The following ZNF341 variants were observed in gnomAD, a reference collection of about 807,000 sequenced individuals.
ZNF341 encodes the protein zinc finger protein 341.
ZNF341 carries 52 observed loss-of-function variants against 87.7 expected under a neutral mutation model. The observed-to-expected ratio is 0.59, with a 90% confidence interval of 0.47 to 0.75. The LOEUF (loss-of-function observed/expected upper bound fraction) is 0.75, where lower values mean the gene tolerates loss of function less well. Ranked by LOEUF, ZNF341 falls within the 30% of genes least tolerant of loss-of-function variation. The pLI is 0.00. For missense variants in ZNF341, 977 were observed against 1,145.9 expected (o/e 0.85, Z 2.13); for synonymous variants, 459 against 472.7 (o/e 0.97, Z 0.38).
At chr20:33,782,569 G>T (rs2019766682) in intron 11 of ZNF341, among the ~76,000 whole-genome samples, 1 of 152,202 alleles carries the variant, frequency 6.6e-6, no homozygotes, top group South Asian at 2.1e-4. Context: ...CCGAGTAAAA[G>T]ATACCATGAA....
intron 4 of ZNF341, 127 bp downstream of exon 4, chr20:33,749,199 A>G: frequency 7.5e-7 from 1 of 1,329,372 alleles, no homozygotes; most frequent in Non-Finnish European, 1.0e-6. Context: ...GGAGGCTATC[A>G]GCTTTCCCTT....
Position 33,786,784 on chromosome 20 carries a change from G to A in ZNF341, c.1853-2079G>A, listed in dbSNP as rs367767209. Among the ~76,000 whole-genome samples the A allele has an allele frequency of 4.0e-4, 53 of 132,712 alleles. No homozygotes were observed. In the Middle Eastern group the frequency reaches 0.019, roughly 49 times the overall value. 87.1% of individuals were successfully genotyped at this position (132,712 alleles called of 152,430 possible). A position where few individuals can be genotyped will look rare whatever the true frequency, so the allele number is the denominator to read the frequency against. The stretch of plus-strand genomic sequence containing the variant: ...AGAGTTTGAGACCAGCCTGGCCAAC[G>A]TGATGAAACCCCGTCTCTACTAAAA... On this transcript the variant is annotated intron_variant, in intron 12 of 14. Transcript: ENST00000375200.
At position 33,741,895 on chromosome 20, in the gene ZNF341, C is replaced by T. The variant is rs1053969003; in HGVS notation, c.142+883C>T. Among the ~76,000 whole-genome samples the T allele has an allele frequency of 9.2e-5, 14 of 152,172 alleles. 1 individual carries two copies. The highest frequency in any genetic ancestry group is 1.3e-4 in the Admixed American group (2 of 15,260). On this transcript the variant is annotated intron_variant, in intron 2 of 14. Coordinates refer to ENST00000375200, the MANE Select transcript of ZNF341 (RefSeq NM_001282933.2). ...GAATTTCTCTGTGGTTCAGTTCCTA[C>T]ACCTGTAAAATAGGGACAATTGTTC...
intron 5 of ZNF341, among the ~76,000 whole-genome samples, chr20:33,755,052 C>T (rs966820660): frequency 3.3e-5 from 5 of 152,176 alleles, no homozygotes; most frequent in Admixed American, 1.3e-4. Flanking sequence ...AAGCGATTCT[C>T]GTGCCTCAGC....
At chr20:33,747,602 G>A (rs1345460372) in intron 3 of ZNF341, among the ~76,000 whole-genome samples, 1 of 89,628 alleles carries the variant, frequency 1.1e-5, no homozygotes, top group East Asian at 4.1e-4. Context: ...GCGACAGAGC[G>A]AGACTCCGTC....
chr20:33,759,426 A>G (rs1263434072), intron 7 of ZNF341, among the ~76,000 whole-genome samples: 2 of 152,266 alleles, frequency 1.3e-5, no homozygotes, highest in Middle Eastern at 3.4e-3. Context: ...CTTGGATTAC[A>G]GGCATGCGCC....
At chr20:33,774,599 G>A (rs898918153) in intron 10 of ZNF341, among the ~76,000 whole-genome samples, 9 of 152,160 alleles carry the variant, frequency 5.9e-5, no homozygotes, top group African/African-American at 1.4e-4. Context: ...TTCCTGTAGC[G>A]CAATGTCCAA....
chr20:33,752,651 T>TG (rs1413415559), intron 4 of ZNF341: 6 of 243,278 alleles, frequency 2.5e-5, no homozygotes, highest in African/African-American at 4.8e-5. Flanking sequence ...TATTTTCTTT[T>TG]CTTTTTTTTT....
intron 13 of ZNF341, 21 bp downstream of exon 13, chr20:33,788,995 A>AG (rs755988232): frequency 7.3e-7 from 1 of 1,362,282 alleles, no homozygotes; most frequent in Non-Finnish European, 1.0e-6. Context: ...ACTGCCATGC[A>AG]GGGGGGTGGG....
intron 10 of ZNF341, among the ~76,000 whole-genome samples, chr20:33,773,290 G>A (rs1601277919): frequency 6.6e-6 from 1 of 152,316 alleles, no homozygotes; most frequent in East Asian, 1.9e-4. Flanking sequence ...TGGTCTTGGA[G>A]TTTGCAGGTT....
rs1185479390 is a variant in ZNF341, at chr20:33,745,169, C to T, written c.209C>T (p.Thr70Ile). ...KQFNSLPAFMTHKREQCQGNA... is the reference protein window; with the variant it reads ...KQFNSLPAFMIHKREQCQGNA... Reference sequence around the variant, plus strand: ...TTCAACTCGCTGCCAGCGTTTATGACCCACAAGCGGGAACAGTGCCAGGGG... The same window carrying T: ...TTCAACTCGCTGCCAGCGTTTATGATCCACAAGCGGGAACAGTGCCAGGGG... Residue 70 changes from threonine (T) to isoleucine (I), a missense_variant, in exon 3 of 15, where the codon ACC (threonine) becomes ATC (isoleucine). Thr to Ile is a moderately conservative substitution (Grantham distance 89). Around this residue, in one of 3 missense-constraint regions of ZNF341, gnomAD observed 515 missense variants for 598.2 expected, o/e 0.86. Coordinates refer to ENST00000375200, the MANE Select transcript of ZNF341 (RefSeq NM_001282933.2). 1 of 1,614,178 alleles carries T rather than the reference C, an allele frequency of 6.2e-7. No homozygotes were observed. The highest frequency in any genetic ancestry group is 8.5e-7 in the Non-Finnish European group (1 of 1,180,020).
At position 33,791,713 on chromosome 20, in the gene ZNF341, A is replaced by T. The variant is rs949886188; in HGVS notation, c.*196A>T. The T allele has an allele frequency of 1.6e-6, 1 of 609,420 alleles. No homozygotes were observed. Among genetic ancestry groups the T allele is most frequent in the Non-Finnish European group, 2.7e-6 (1 of 368,726 alleles). The allele number at this position is 609,420 out of a possible 1,614,324, so 37.8% of individuals were successfully genotyped here. On this transcript the variant is annotated 3_prime_UTR_variant, in exon 15 of 15. Transcript: ENST00000375200. Reference sequence around the variant, plus strand: ...CTCTCCTGCCGGAAAGCCCTGCAACATTCTAGGGTTGGGGGCAGGGCCATC... The same window carrying T: ...CTCTCCTGCCGGAAAGCCCTGCAACTTTCTAGGGTTGGGGGCAGGGCCATC...
chr20:33,749,459 A>T (rs1039132039), intron 4 of ZNF341, among the ~76,000 whole-genome samples: 2 of 151,070 alleles, frequency 1.3e-5, no homozygotes, highest in Non-Finnish European at 3.0e-5. Context: ...CAGCCAGCTA[A>T]TTTTTTTTTG....
At chr20:33,782,086 G>A (rs1034394393) in intron 11 of ZNF341, among the ~76,000 whole-genome samples, 1 of 152,110 alleles carries the variant, frequency 6.6e-6, no homozygotes, top group African/African-American at 2.4e-5. Context: ...GGGATTACAG[G>A]TATGAGCCAT....
rs2281402 is a variant in ZNF341, at chr20:33,732,088, C to T, written c.31+36C>T. ...GCGGGGCCGGCGGAGGCGGCTGTTC[C>T]GCGCTGCGCCCCCTCCCGCCGCGCC... On this transcript the variant is annotated intron_variant, in intron 1 of 14. Transcript: ENST00000375200. The surrounding 1 kb of genome is among the most constrained non-coding windows in gnomAD (Gnocchi z 4.5). 216,743 of 1,222,268 alleles carry T rather than the reference C, an allele frequency of 0.18. 23,121 individuals carry two copies. The highest frequency in any genetic ancestry group is 0.58 in the East Asian group (17,547 of 30,438). The allele number at this position is 1,222,268 out of a possible 1,614,324, so 75.7% of individuals were successfully genotyped here. A position where few individuals can be genotyped will look rare whatever the true frequency, so the allele number is the denominator to read the frequency against.
chr20:33,790,928 A>G lies in ZNF341; in HGVS notation c.2036-60A>G. On this transcript the variant is annotated intron_variant, in intron 14 of 14. Coordinates refer to ENST00000375200, the MANE Select transcript of ZNF341 (RefSeq NM_001282933.2). ...AGAGCCTGGATTTTATTCCCAGCGC[A>G]GGGCACTGTTGCGGGGTGAAGGTCT... 1.9e-6 allele frequency: 3 copies of G among 1,542,532 alleles called. No individual in the cohort carries two copies. The African/African-American group carries it at 4.1e-5, about 21-fold the overall frequency.
At chr20:33,783,477 T>G (rs764639262) in intron 11 of ZNF341, among the ~76,000 whole-genome samples, 9 of 152,120 alleles carry the variant, frequency 5.9e-5, no homozygotes, top group Non-Finnish European at 1.0e-4. Flanking sequence ...TGTAAGAGTT[T>G]GTCAGTAAAG....
chr20:33,745,929 CTTT>C (rs1301920142), intron 3 of ZNF341, among the ~76,000 whole-genome samples: 39 of 132,762 alleles, frequency 2.9e-4, no homozygotes, highest in Non-Finnish European at 5.0e-4. Flanking sequence ...GGGTCTGGGC[CTTT>C]TTTTTTTTTT....
At chr20:33,767,068 C>T in intron 9 of ZNF341, 27 bp downstream of exon 9, 1 of 1,595,364 alleles carries the variant, frequency 6.3e-7, no homozygotes, top group Non-Finnish European at 8.6e-7. Flanking sequence ...AGCAGGGGCC[C>T]ACACCACACC....
Sources: allele counts gnomAD v4.1 joint callset (sites outside exome capture counted in the v4.1 genomes callset), GRCh38; gene constraint gnomAD v4.1.1; regional missense constraint gnomAD v4.1.1; non-coding constraint Gnocchi (gnomAD v3.1); transcripts MANE v1.5; gene names NCBI Gene and HGNC (gene_info 2026-07-23, HGNC 2026-07-21).